CLVS1: variants seen among roughly 807,000 people sequenced by gnomAD.
The protein encoded by CLVS1 is clavesin-1.
In CLVS1, 10 loss-of-function variants were observed where a neutral mutation model predicts 33.1. The ratio of observed to expected loss-of-function variants is 0.30; its 90% confidence interval spans 0.19 to 0.51. The LOEUF is 0.51. CLVS1 is among the 20% of genes least tolerant of loss of function. CLVS1 has a pLI of 0.97. For missense variants in CLVS1, 343 were observed against 433.4 expected (o/e 0.79, Z 1.85); for synonymous variants, 163 against 166.1 (o/e 0.98, Z 0.14).
chr8:61,390,675 A>G (rs1814267143), intron 3 of CLVS1, among the ~76,000 whole-genome samples: 1 of 152,186 alleles, frequency 6.6e-6, no homozygotes, highest in Admixed American at 6.5e-5. Context: ...CGTCTATTAA[A>G]TGTTTGTATT....
intron 2 of CLVS1, among the ~76,000 whole-genome samples, chr8:61,156,455 T>A (rs1585649873): frequency 6.6e-6 from 1 of 152,182 alleles, no homozygotes; most frequent in South Asian, 2.1e-4. Flanking sequence ...CTTTTGTCAG[T>A]TTATTTCAAT....
the CLVS1 span, among the ~76,000 whole-genome samples, chr8:61,031,430 C>G: frequency 6.6e-6 from 1 of 152,216 alleles, no homozygotes; most frequent in East Asian, 1.9e-4. Flanking sequence ...CCACCTCCAG[C>G]TCTGTCTGTC....
intron 2 of CLVS1, among the ~76,000 whole-genome samples, chr8:61,272,952 G>A (rs532537389): frequency 0.059 from 8,814 of 149,320 alleles, 428 homozygotes; most frequent in African/African-American, 0.13. Context: ...TCCTCCCGTA[G>A]CTCAGAGTAA....
intron 3 of CLVS1, among the ~76,000 whole-genome samples, chr8:61,443,802 T>A: frequency 6.6e-6 from 1 of 152,186 alleles, no homozygotes; most frequent in East Asian, 1.9e-4. Context: ...TTTTGATGGA[T>A]GTTGCATTAA....
intron 1 of CLVS1, among the ~76,000 whole-genome samples, chr8:61,067,335 T>C (rs1015061543): frequency 1.3e-5 from 2 of 151,436 alleles, no homozygotes; most frequent in East Asian, 3.9e-4. Context: ...ATTAAATAAA[T>C]GGTTGCTAAA....
chr8:61,411,342 T>G (rs1221833195), intron 3 of CLVS1, among the ~76,000 whole-genome samples: 1 of 152,158 alleles, frequency 6.6e-6, no homozygotes, highest in Non-Finnish European at 1.5e-5. Context: ...AAGTGACAGG[T>G]AAGCCCCTGA....
At chr8:61,279,391 C>T (rs1270460003) in intron 2 of CLVS1, among the ~76,000 whole-genome samples, 1 of 152,196 alleles carries the variant, frequency 6.6e-6, no homozygotes, top group African/African-American at 2.4e-5. Flanking sequence ...TTCCCAAAGA[C>T]CAATTCCCTC....
intron 3 of CLVS1, among the ~76,000 whole-genome samples, chr8:61,419,890 A>G (rs1815588656): frequency 6.6e-6 from 1 of 152,248 alleles, no homozygotes; most frequent in Non-Finnish European, 1.5e-5. Context: ...TAGAGTTTCT[A>G]AGAATAATTT....
chr8:61,438,007 C>A (rs1435307261), intron 3 of CLVS1, among the ~76,000 whole-genome samples: 2 of 151,920 alleles, frequency 1.3e-5, no homozygotes, highest in Non-Finnish European at 2.9e-5. Flanking sequence ...TGAACTTGGA[C>A]AAGTTTTAAA....
At chr8:61,304,867 A>G (rs908083899) in intron 2 of CLVS1, among the ~76,000 whole-genome samples, 1 of 152,196 alleles carries the variant, frequency 6.6e-6, no homozygotes, top group Admixed American at 6.5e-5. Context: ...TCTCAATTGT[A>G]TCAAGTGGAA....
intron 2 of CLVS1, among the ~76,000 whole-genome samples, chr8:61,217,029 C>T (rs1437102016): frequency 6.6e-6 from 1 of 152,106 alleles, no homozygotes; most frequent in Non-Finnish European, 1.5e-5. Context: ...AATTTTCCAT[C>T]TTCTCTTTTC....
At chr8:61,164,411 C>G (rs1806813967) in intron 2 of CLVS1, among the ~76,000 whole-genome samples, 1 of 152,238 alleles carries the variant, frequency 6.6e-6, no homozygotes. Context: ...GGCTGGCAAG[C>G]TTTGGTATGC....
chr8:61,405,597 G>C (rs182157787), intron 3 of CLVS1, among the ~76,000 whole-genome samples: 2 of 152,006 alleles, frequency 1.3e-5, no homozygotes, highest in African/African-American at 4.8e-5. Flanking sequence ...AACATAACAG[G>C]GCCCCTCTAC....
At chr8:60,974,174 C>T in the CLVS1 span, among the ~76,000 whole-genome samples, 1 of 152,124 alleles carries the variant, frequency 6.6e-6, no homozygotes, top group Non-Finnish European at 1.5e-5. Context: ...CTGAGGAATT[C>T]ACTGCTTTTT....
At chr8:61,183,146 G>A (rs1393572050) in intron 2 of CLVS1, among the ~76,000 whole-genome samples, 2 of 119,036 alleles carry the variant, frequency 1.7e-5, no homozygotes. Flanking sequence ...GGGCCTGTGG[G>A]CAGGGCGGAG....
chr8:61,292,918 C>T (rs1810049120), intron 1 of CLVS1, among the ~76,000 whole-genome samples: 1 of 152,180 alleles, frequency 6.6e-6, no homozygotes, highest in Admixed American at 6.5e-5. Context: ...TCACATAGGT[C>T]CTTCTTCCCT....
At chr8:61,498,298 T>C (rs1301824806) in intron 5 of CLVS1, among the ~76,000 whole-genome samples, 1 of 152,152 alleles carries the variant, frequency 6.6e-6, no homozygotes, top group African/African-American at 2.4e-5. Context: ...AGGTCTCAGA[T>C]ATACAAAGAT....
intron 2 of CLVS1, 152 bp from the exon 3 acceptor site, chr8:61,376,453 T>G: frequency 1.6e-6 from 1 of 622,412 alleles, no homozygotes; most frequent in South Asian, 2.9e-5. Context: ...GTTTAGCAAA[T>G]GTATTTTCAG....
intron 1 of CLVS1, among the ~76,000 whole-genome samples, chr8:61,068,199 G>GTATATATATA (rs377090795): frequency 6.1e-5 from 6 of 97,832 alleles, no homozygotes; most frequent in African/African-American, 2.8e-4. Context: ...ATGTGTATAT[G>GTATATATATA]TATATATATA....
Sources: gnomAD v4.1 joint callset for allele counts (sites outside exome capture counted in the v4.1 genomes callset) on GRCh38, gnomAD v4.1.1 for gene constraint, MANE v1.5 for transcripts, NCBI Gene and HGNC (gene_info 2026-07-23, HGNC 2026-07-21) for gene names.